GRM8: variants seen among roughly 807,000 people sequenced by gnomAD.
GRM8 encodes the protein metabotropic glutamate receptor 8.
GRM8 carries 47 observed loss-of-function variants against 87.2 expected under a neutral mutation model. The observed-to-expected ratio is 0.54, with a 90% confidence interval of 0.43 to 0.69. The LOEUF (loss-of-function observed/expected upper bound fraction) is 0.69. Among genes scored for constraint, GRM8 ranks in the 30% least tolerant of loss-of-function variants. The pLI, the probability that GRM8 is intolerant of heterozygous loss-of-function variation, is 0.00. For missense variants in GRM8, 1,019 were observed against 1,139.2 expected (o/e 0.89, Z 1.52); for synonymous variants, 396 against 404.5 (o/e 0.98, Z 0.25).
At chr7:126,662,515 G>T (rs774703436) in intron 7 of GRM8, among the ~76,000 whole-genome samples, 2 of 152,228 alleles carry the variant, frequency 1.3e-5, no homozygotes, top group Non-Finnish European at 2.9e-5. Context: ...TTTTTCTTCT[G>T]CAAATAATTC....
chr7:127,202,650 G>C (rs957514917), intron 2 of GRM8, among the ~76,000 whole-genome samples: 8 of 151,920 alleles, frequency 5.3e-5, no homozygotes, highest in Non-Finnish European at 7.4e-5. Flanking sequence ...ACTGGTAAAG[G>C]CTCTGAGACT....
chr7:126,953,399 C>T (rs532741153), intron 3 of GRM8, among the ~76,000 whole-genome samples: 5 of 151,942 alleles, frequency 3.3e-5, no homozygotes, highest in Non-Finnish European at 5.9e-5. Context: ...TTGCAAAGAC[C>T]GTGGCCTTAA....
At chr7:127,086,306 T>C (rs1260864369) in intron 3 of GRM8, among the ~76,000 whole-genome samples, 1 of 152,180 alleles carries the variant, frequency 6.6e-6, no homozygotes, top group African/African-American at 2.4e-5. Flanking sequence ...TTCACCATAT[T>C]AGCCAGGATG....
chr7:126,511,577 C>G (rs1163026988), intron 9 of GRM8: 1 of 151,986 alleles, frequency 6.6e-6, no homozygotes, highest in Non-Finnish European at 1.5e-5. Flanking sequence ...AAGTTACCAC[C>G]AAGGAGATGA....
chr7:126,579,462 T>C (rs10487454), intron 8 of GRM8, among the ~76,000 whole-genome samples: 46,993 of 152,126 alleles, frequency 0.31, 8,136 homozygotes, highest in East Asian at 0.44. Context: ...TGAGGAAAGA[T>C]TTCAGTGCAG....
intron 6 of GRM8, among the ~76,000 whole-genome samples, chr7:126,825,284 T>C (rs1794657910): frequency 6.6e-6 from 1 of 152,084 alleles, no homozygotes; most frequent in African/African-American, 2.4e-5. Context: ...GCCAGGATGG[T>C]CTCAATCTCC....
intron 3 of GRM8, among the ~76,000 whole-genome samples, chr7:126,912,741 A>C (rs2131302825): frequency 6.6e-6 from 1 of 152,336 alleles, no homozygotes; most frequent in South Asian, 2.1e-4. Flanking sequence ...AATTCACCAT[A>C]TGTACATTAG....
At position 127,130,276 on chromosome 7, in the gene GRM8, G is replaced by GTACA. The variant is rs1360192566; in HGVS notation, c.511-23565_511-23564insTGTA. Among the ~76,000 whole-genome samples, 172 of 152,274 alleles carry GTACA rather than the reference G, an allele frequency of 1.1e-3. 1 individual carries two copies. Among genetic ancestry groups the GTACA allele is most frequent in the African/African-American group, 4.1e-3 (171 of 41,560 alleles). On this transcript the variant is annotated intron_variant, in intron 2 of 10. Coordinates refer to ENST00000339582, the MANE Select transcript of GRM8 (RefSeq NM_000845.3). ...ATACGGATAATTGGTACAGGGAGTGGGGTACTGCTATAAAAATAACCTGAA... is the reference window on the plus strand; with the variant it reads ...ATACGGATAATTGGTACAGGGAGTGGTACAGGTACTGCTATAAAAATAACCTGAA...
intron 6 of GRM8, among the ~76,000 whole-genome samples, chr7:126,847,503 A>G (rs1796811635): frequency 6.6e-6 from 1 of 152,178 alleles, no homozygotes; most frequent in African/African-American, 2.4e-5. Context: ...GCATCCACTG[A>G]TGCCCCTTGA....
At chr7:126,679,061 A>AT (rs1056607546) in intron 7 of GRM8, among the ~76,000 whole-genome samples, 18 of 151,562 alleles carry the variant, frequency 1.2e-4, no homozygotes, top group African/African-American at 3.9e-4. Context: ...TTTTGCCACC[A>AT]TTTTTTTTCG....
chr7:126,551,560 T>TA (rs1476572094), intron 8 of GRM8, among the ~76,000 whole-genome samples: 19 of 152,300 alleles, frequency 1.2e-4, no homozygotes, highest in African/African-American at 3.6e-4. Flanking sequence ...GAGATAGAAC[T>TA]AAAGTATGAG....
intron 3 of GRM8, among the ~76,000 whole-genome samples, chr7:126,915,799 T>G (rs1803831592): frequency 6.6e-6 from 1 of 151,850 alleles, no homozygotes; most frequent in African/African-American, 2.4e-5. Flanking sequence ...AGTCCAGAGG[T>G]ATCTATGGAA....
intron 6 of GRM8, among the ~76,000 whole-genome samples, chr7:126,886,204 A>G (rs1201540372): frequency 6.6e-6 from 1 of 152,166 alleles, no homozygotes; most frequent in Non-Finnish European, 1.5e-5. Context: ...GCTTCCCCAC[A>G]TTATTGCCAG....
At chr7:127,005,669 C>G (rs1814213782) in intron 3 of GRM8, among the ~76,000 whole-genome samples, 2 of 151,834 alleles carry the variant, frequency 1.3e-5, no homozygotes, top group African/African-American at 2.4e-5. Context: ...GTATACCTCT[C>G]CACGACTACT....
At chr7:127,005,681 C>A (rs958489344) in intron 3 of GRM8, among the ~76,000 whole-genome samples, 1 of 151,796 alleles carries the variant, frequency 6.6e-6, no homozygotes, top group Non-Finnish European at 1.5e-5. Flanking sequence ...ACGACTACTC[C>A]ATGCACTAGC....
At chr7:127,133,484 G>A (rs1423909674) in intron 2 of GRM8, among the ~76,000 whole-genome samples, 1 of 151,714 alleles carries the variant, frequency 6.6e-6, no homozygotes, top group Non-Finnish European at 1.5e-5. Context: ...TGCCGAGGCA[G>A]GCGAATCACG....
chr7:126,706,918 ACTGGGGTCCTAGTC>A (rs1402761163), intron 7 of GRM8, among the ~76,000 whole-genome samples: 1 of 152,134 alleles, frequency 6.6e-6, no homozygotes, highest in Non-Finnish European at 1.5e-5. Flanking sequence ...CAAAATGCTC[ACTGGGGTCCTAGTC>A]CTTTTTACCT....
chr7:127,250,675 T>C (rs1798819908), intron 1 of GRM8, among the ~76,000 whole-genome samples: 1 of 152,230 alleles, frequency 6.6e-6, no homozygotes, highest in South Asian at 2.1e-4. Flanking sequence ...AGAGAATGAA[T>C]TGCACACAGC....
chr7:127,044,229 G>A (rs1236898830), intron 3 of GRM8, among the ~76,000 whole-genome samples: 1 of 152,118 alleles, frequency 6.6e-6, no homozygotes, highest in Non-Finnish European at 1.5e-5. Context: ...CAGAAATCAT[G>A]GGCACAGACA....
Sources: gnomAD v4.1 joint callset for allele counts (sites outside exome capture counted in the v4.1 genomes callset) on GRCh38, gnomAD v4.1.1 for gene constraint, MANE v1.5 for transcripts, NCBI Gene and HGNC (gene_info 2026-07-23, HGNC 2026-07-21) for gene names.